DNAJA3: variants seen among roughly 807,000 people sequenced by gnomAD.
DNAJA3 encodes dnaJ homolog subfamily A member 3, mitochondrial.
In DNAJA3, 29 loss-of-function variants were observed where a neutral mutation model predicts 54.9. The ratio of observed to expected loss-of-function variants is 0.53; its 90% CI spans 0.39 to 0.72. DNAJA3 has a LOEUF of 0.72. Among genes scored for constraint, DNAJA3 ranks in the 30% least tolerant of loss-of-function variants. DNAJA3 has a pLI of 0.00. For missense variants in DNAJA3, 708 were observed against 639.4 expected (o/e 1.11, Z -1.16); for synonymous variants, 302 against 251.4 (o/e 1.20, Z -1.90).
At chr16:4,437,586 G>T (rs531467758) in intron 3 of DNAJA3, 101 bp downstream of exon 3, 1 of 903,304 alleles carries the variant, frequency 1.1e-6, no homozygotes, top group African/African-American at 1.7e-5. Flanking sequence ...ATACAGTCCA[G>T]TGTGAAGGCC....
At chr16:4,442,620 A>G in intron 5 of DNAJA3, 200 bp downstream of exon 5, 1 of 601,318 alleles carries the variant, frequency 1.7e-6, no homozygotes, top group Non-Finnish European at 2.7e-6. Context: ...CAACCAGAGC[A>G]CAGCAGCTCC....
chr16:4,426,166 G>C, intron 1 of DNAJA3, 74 bp downstream of exon 1: 1 of 1,391,088 alleles, frequency 7.2e-7, no homozygotes, highest in Non-Finnish European at 9.5e-7. Context: ...CTGTGACTAC[G>C]GCTGCAGGGG....
At chr16:4,444,879 T>A in intron 7 of DNAJA3, 151 bp downstream of exon 7, 1 of 662,498 alleles carries the variant, frequency 1.5e-6, no homozygotes, top group Non-Finnish European at 2.6e-6. Context: ...GATGTGGTTT[T>A]TAGCTGTTTG....
chr16:4,435,014 C>T (rs1333815832), intron 2 of DNAJA3, among the ~76,000 whole-genome samples: 5 of 149,868 alleles, frequency 3.3e-5, no homozygotes, highest in African/African-American at 4.9e-5. Context: ...CTCCTGTGTC[C>T]GCCTCCCAAG....
intron 1 of DNAJA3, among the ~76,000 whole-genome samples, 195 bp downstream of exon 1, chr16:4,426,287 G>A (rs1023890909): frequency 6.6e-6 from 1 of 152,200 alleles, no homozygotes; most frequent in African/African-American, 2.4e-5. Flanking sequence ...AGGGAGAGAA[G>A]CGTGGAGCCC....
intron 1 of DNAJA3, chr16:4,430,558 C>T (rs2056684683): frequency 2.7e-5 from 4 of 149,268 alleles, no homozygotes; most frequent in Admixed American, 2.0e-4. Context: ...AGCCAAACTC[C>T]CTGTCAAAAA....
chr16:4,435,726 G>A (rs530762383), intron 2 of DNAJA3, among the ~76,000 whole-genome samples: 5 of 152,218 alleles, frequency 3.3e-5, no homozygotes, highest in Admixed American at 1.3e-4. Flanking sequence ...TTTATTCATC[G>A]TTTGATGGAC....
At chr16:4,445,333 A>C (rs1203941644) in intron 7 of DNAJA3, among the ~76,000 whole-genome samples, 1 of 152,236 alleles carries the variant, frequency 6.6e-6, no homozygotes, top group African/African-American at 2.4e-5. Context: ...CAGGCGTTGC[A>C]GGTACAGACA....
intron 1 of DNAJA3, among the ~76,000 whole-genome samples, chr16:4,428,469 A>C (rs1005219535): frequency 5.3e-5 from 8 of 152,204 alleles, no homozygotes; most frequent in Non-Finnish European, 1.2e-4. Flanking sequence ...GCATCTTTTC[A>C]TTCAAATATT....
In DNAJA3 at chr16:4,437,387, A is replaced by G; in HGVS notation, c.346-15A>G. ...CACATTGTATCTGGAGTAATTTATCATGTTTTTCCCTTAGCTTGCCAAGAA... is the reference window on the plus strand; with the variant it reads ...CACATTGTATCTGGAGTAATTTATCGTGTTTTTCCCTTAGCTTGCCAAGAA... On this transcript the variant is annotated splice_polypyrimidine_tract_variant and intron_variant, in intron 2 of 11. Coordinates refer to ENST00000262375, the MANE Select transcript of DNAJA3 (RefSeq NM_005147.6). 2 of 1,611,608 alleles carry G rather than the reference A, an allele frequency of 1.2e-6. No individual in the cohort carries two copies. Among genetic ancestry groups the G allele is most frequent in the Non-Finnish European group, 1.7e-6 (2 of 1,177,862 alleles).
chr16:4,434,643 G>C, intron 2 of DNAJA3, 126 bp downstream of exon 2: 1 of 1,168,982 alleles, frequency 8.6e-7, no homozygotes, highest in East Asian at 2.5e-5. Context: ...GTATAGAAGG[G>C]TGTGATAAAG....
At chr16:4,429,424 A>G (rs1459595892) in intron 1 of DNAJA3, among the ~76,000 whole-genome samples, 1 of 149,352 alleles carries the variant, frequency 6.7e-6, no homozygotes, top group East Asian at 2.0e-4. Flanking sequence ...GGATTTCACC[A>G]TATTGGCCAG....
At chr16:4,442,442 C>T (rs1256747875) in intron 5 of DNAJA3, 22 bp downstream of exon 5, 3 of 1,564,862 alleles carry the variant, frequency 1.9e-6, no homozygotes, top group Non-Finnish European at 2.6e-6. Flanking sequence ...CCCGAGACTC[C>T]ACCTCCCACG....
Position 4,455,589 on chromosome 16 carries a change from C to A in DNAJA3, c.*57C>A. On this transcript the variant is annotated 3_prime_UTR_variant, in exon 12 of 12. Transcript: ENST00000262375. ...ACTAGGCCGGGAAGCAGCAGCCCCTCCAAGGGCCAGGGCACCTGGGAGACG... is the reference window on the plus strand; with the variant it reads ...ACTAGGCCGGGAAGCAGCAGCCCCTACAAGGGCCAGGGCACCTGGGAGACG... 1 of 1,551,760 alleles carries A rather than the reference C, an allele frequency of 6.4e-7. No individual in the cohort carries two copies. The highest frequency in any genetic ancestry group is 2.0e-5 in the Admixed American group (1 of 50,992).
intron 1 of DNAJA3, among the ~76,000 whole-genome samples, chr16:4,429,186 C>CTACAA (rs1414630978): frequency 1.3e-5 from 2 of 150,010 alleles, no homozygotes; most frequent in African/African-American, 4.9e-5. Context: ...CGCGCCCGGC[C>CTACAA]AAGATTTTTT....
intron 10 of DNAJA3, among the ~76,000 whole-genome samples, chr16:4,451,319 T>C (rs985407870): frequency 1.3e-5 from 2 of 152,118 alleles, no homozygotes; most frequent in African/African-American, 4.8e-5. Flanking sequence ...TGGTAATTCG[T>C]AGCAGGTGTT....
intron 1 of DNAJA3, among the ~76,000 whole-genome samples, chr16:4,433,626 G>T (rs2056734365): frequency 6.6e-6 from 1 of 152,128 alleles, no homozygotes; most frequent in South Asian, 2.1e-4. Context: ...GCAAGATAGA[G>T]GGAAAAGAAT....
rs1326734520 is a variant in DNAJA3 at position 4,455,709 on chromosome 16, G to A, written c.*177G>A. On this transcript the variant is annotated 3_prime_UTR_variant, in exon 12 of 12. Coordinates refer to ENST00000262375, the MANE Select transcript of DNAJA3 (RefSeq NM_005147.6). The stretch of plus-strand genomic sequence containing the variant: ...ATCATGGGACAACACCTCTCTCCAC[G>A]GAAAGGTCACAGTGGACAGCCCGGG... The A allele has an allele frequency of 3.1e-6, 3 of 968,928 alleles. No homozygotes were observed. Among genetic ancestry groups the A allele is most frequent in the South Asian group, 1.5e-5 (1 of 67,780 alleles). The allele number at this position is 968,928 out of a possible 1,614,324, so 60.0% of individuals were successfully genotyped here. A position where few individuals can be genotyped will look rare whatever the true frequency, so the allele number is the denominator to read the frequency against.
Position 4,454,821 on chromosome 16 carries a change from C to G in DNAJA3, c.1350C>G (p.Thr450=). 6.2e-7 allele frequency: 1 copy of G among 1,613,568 alleles called. No homozygotes were observed. Among genetic ancestry groups the G allele is most frequent in the Non-Finnish European group, 8.5e-7 (1 of 1,179,606 alleles). The change falls in exon 11 of 12, where the codon ACC becomes ACG. Residue 450 remains threonine, a synonymous_variant. Coordinates refer to ENST00000262375, the MANE Select transcript of DNAJA3 (RefSeq NM_005147.6). Reference sequence around the variant, plus strand: ...GCTGTTTGTGCCCAGGTGGCAGCACCATGGATAGCTCCGCAGGAAGCAAGG... The same window carrying G: ...GCTGTTTGTGCCCAGGTGGCAGCACGATGGATAGCTCCGCAGGAAGCAAGG... ...GVTLTSSGGS[T]MDSSAGSKAR...
Sources: gnomAD v4.1 joint callset for allele counts (sites outside exome capture counted in the v4.1 genomes callset) on GRCh38, gnomAD v4.1.1 for gene constraint, MANE v1.5 for transcripts, NCBI Gene and HGNC (gene_info 2026-07-23, HGNC 2026-07-21) for gene names.